LYRM4: variants seen among roughly 807,000 people sequenced by gnomAD.
The protein encoded by LYRM4 is LYR motif containing 4.
In LYRM4, 9 loss-of-function variants were observed where a neutral mutation model predicts 11.7. That is an observed-to-expected ratio of 0.77 (90% CI 0.46 to 1.34). LYRM4 has a LOEUF of 1.34. Ranked by LOEUF, LYRM4 falls within the 40% of genes most tolerant of loss-of-function variation. LYRM4 has a pLI of 0.00. For synonymous variants in LYRM4, 42 were observed against 40.4 expected (o/e 1.04, Z -0.15); for missense variants, 133 against 112.5 (o/e 1.18, Z -0.82).
chr6:5,082,991 G>A, the LYRM4 span, among the ~76,000 whole-genome samples: 5 of 152,226 alleles, frequency 3.3e-5, no homozygotes, highest in African/African-American at 9.6e-5. Context: ...ATTGGCCACA[G>A]GGGCTGAGTT....
At chr6:5,136,938 T>C (rs1757130673) in intron 2 of LYRM4, 1 of 613,302 alleles carries the variant, frequency 1.6e-6, no homozygotes, top group South Asian at 7.4e-5. Context: ...CCACAATCAA[T>C]TTTAGAGCAT....
At chr6:5,175,700 G>T (rs1235497499) in intron 2 of LYRM4, among the ~76,000 whole-genome samples, 2 of 151,984 alleles carry the variant, frequency 1.3e-5, no homozygotes, top group East Asian at 3.9e-4. Context: ...TGACTCCTTT[G>T]ACCAAAAAAA....
chr6:5,064,626 ACTCTTGG>A, the LYRM4 span, among the ~76,000 whole-genome samples: 3 of 152,010 alleles, frequency 2.0e-5, no homozygotes, highest in Admixed American at 1.3e-4. Context: ...TTGGTCTTGA[ACTCTTGG>A]CCTCAAGGCA....
chr6:5,256,437 C>T (rs111620198), intron 1 of LYRM4, among the ~76,000 whole-genome samples: 6 of 120,074 alleles, frequency 5.0e-5, no homozygotes, highest in Admixed American at 2.3e-4. Flanking sequence ...TTGCAGTGAG[C>T]CAAGATCGCA....
At chr6:5,223,343 A>G (rs183635680) in intron 1 of LYRM4, among the ~76,000 whole-genome samples, 1 of 152,218 alleles carries the variant, frequency 6.6e-6, no homozygotes, top group Non-Finnish European at 1.5e-5. Context: ...CTTGATACAT[A>G]TTGATCTCAT....
intron 2 of LYRM4, among the ~76,000 whole-genome samples, chr6:5,141,944 C>T (rs957376810): frequency 9.9e-5 from 15 of 152,104 alleles, no homozygotes; most frequent in Admixed American, 4.6e-4. Flanking sequence ...GACCCACAAA[C>T]GCACCTATTT....
downstream of LYRM4, among the ~76,000 whole-genome samples, chr6:5,100,697 G>A (rs1354787996): frequency 6.6e-6 from 1 of 152,148 alleles, no homozygotes; most frequent in African/African-American, 2.4e-5. Context: ...CTGCAACCAG[G>A]ACTCTGCAAA....
chr6:5,245,142 ATATATATATATATATATATAT>A, intron 1 of LYRM4, among the ~76,000 whole-genome samples: 1 of 101,072 alleles, frequency 9.9e-6, no homozygotes, highest in African/African-American at 3.5e-5. Flanking sequence ...ATATATATAT[ATATATATATATATATATATAT>A]AAAATAGGTG....
chr6:5,059,593 C>T, the LYRM4 span, among the ~76,000 whole-genome samples: 7 of 152,250 alleles, frequency 4.6e-5, 1 homozygote, highest in East Asian at 7.7e-4. Flanking sequence ...GCCTGCTCTG[C>T]GGCCCCATCA....
intron 2 of LYRM4, among the ~76,000 whole-genome samples, chr6:5,203,468 C>T (rs1196100187): frequency 6.6e-6 from 1 of 152,132 alleles, no homozygotes; most frequent in East Asian, 1.9e-4. Context: ...TTCCAAACAC[C>T]ACCTTGCCCT....
At chr6:5,253,314 GT>G (rs1764516922) in intron 1 of LYRM4, among the ~76,000 whole-genome samples, 1 of 152,106 alleles carries the variant, frequency 6.6e-6, no homozygotes, top group South Asian at 2.1e-4. Flanking sequence ...TATTTATTAT[GT>G]TGGTGCAAAA....
intron 1 of LYRM4, among the ~76,000 whole-genome samples, chr6:5,230,704 G>A (rs1763185997): frequency 1.3e-5 from 2 of 152,102 alleles, no homozygotes; most frequent in Non-Finnish European, 2.9e-5. Context: ...GTCATTAGAT[G>A]TCTTCCTTAA....
chr6:5,180,571 C>T (rs750363301), intron 2 of LYRM4, among the ~76,000 whole-genome samples: 5 of 152,150 alleles, frequency 3.3e-5, no homozygotes, highest in Non-Finnish European at 7.3e-5. Context: ...AGTTTCCTGT[C>T]TTCCCACTTT....
At chr6:5,174,704 A>G (rs371525617) in intron 2 of LYRM4, among the ~76,000 whole-genome samples, 1 of 152,210 alleles carries the variant, frequency 6.6e-6, no homozygotes, top group Non-Finnish European at 1.5e-5. Flanking sequence ...TACACTTATA[A>G]TTGGTAACTG....
chr6:5,214,934 C>G lies in LYRM4; in HGVS notation c.207+1684G>C, dbSNP rs1762187902. ...TTCTCCATCGGGAACGTGCAGTGGC[C>G]AGGCTGCCCTGGGGAGGGCGCCCTT... On this transcript the variant is annotated intron_variant, in intron 2 of 2. Transcript: ENST00000330636. 3.3e-5 allele frequency among the ~76,000 whole-genome samples: 5 copies of G among 152,212 alleles called. No homozygotes were observed. In the South Asian group the frequency reaches 1.0e-3, roughly 31 times the overall value.
chr6:5,139,770 TC>T (rs779148124), intron 2 of LYRM4, among the ~76,000 whole-genome samples: 2 of 152,034 alleles, frequency 1.3e-5, no homozygotes, highest in Non-Finnish European at 2.9e-5. Flanking sequence ...TACATCACTT[TC>T]CTTTTTTTGC....
the LYRM4 span, among the ~76,000 whole-genome samples, chr6:5,073,102 A>C: frequency 2.0e-5 from 3 of 152,166 alleles, no homozygotes. Flanking sequence ...GGGGCCGGAC[A>C]TGGTGGCTCA....
intron 2 of LYRM4, among the ~76,000 whole-genome samples, chr6:5,148,518 G>GTGGGGCAGAGTGAGAACTCT (rs1554131022): frequency 1.8e-5 from 1 of 54,380 alleles, no homozygotes; most frequent in Non-Finnish European, 3.9e-5. Context: ...AGCTGGGCTG[G>GTGGGGCAGAGTGAGAACTCT]GTATACGCCT....
At chr6:5,048,290 G>GTGGT in the LYRM4 span, among the ~76,000 whole-genome samples, 1 of 139,968 alleles carries the variant, frequency 7.1e-6, no homozygotes, top group Admixed American at 7.2e-5. Context: ...GACACTTTGT[G>GTGGT]GTGTGTGTGT....
Sources: allele counts gnomAD v4.1 joint callset (sites outside exome capture counted in the v4.1 genomes callset), GRCh38; gene constraint gnomAD v4.1.1; transcripts MANE v1.5; gene names NCBI Gene and HGNC (gene_info 2026-07-23, HGNC 2026-07-21).